The following PPP4R4 variants were observed in gnomAD, a reference collection of about 807,000 sequenced individuals.
PPP4R4 encodes serine/threonine-protein phosphatase 4 regulatory subunit 4.
Under a neutral mutation model 121.8 loss-of-function variants are expected in PPP4R4, and 70 were observed. That is an observed-to-expected ratio of 0.57 (90% CI 0.47 to 0.70). PPP4R4 has a LOEUF of 0.70. Ranked by LOEUF, PPP4R4 falls within the 30% of genes least tolerant of loss-of-function variation. The probability of loss-of-function intolerance (pLI) is 0.00; values close to 1 mark genes in which losing one functional copy is unlikely to be tolerated. For synonymous variants in PPP4R4, 348 were observed against 355.7 expected, an observed-to-expected ratio of 0.98 and a Z score of 0.24; for missense variants, 875 against 1,033.6, an observed-to-expected ratio of 0.85 and a Z score of 2.10.
At chr14:94,193,924 A>G (rs1356187263) in intron 2 of PPP4R4, among the ~76,000 whole-genome samples, 1 of 152,210 alleles carries the variant, frequency 6.6e-6, no homozygotes, top group Non-Finnish European at 1.5e-5. Context: ...ACATTTGGGT[A>G]AAACATCCTT....
At position 94,244,543 on chromosome 14, in the gene PPP4R4, T is replaced by A. The variant is rs10131439; in HGVS notation, c.1267-92T>A. ...TAACATGGCTTTATTTTAGAAGAAATATATAACAAGGATGTATTTTTAAAA... is the reference window on the plus strand; with the variant it reads ...TAACATGGCTTTATTTTAGAAGAAAAATATAACAAGGATGTATTTTTAAAA... On this transcript the variant is annotated intron_variant, in intron 11 of 24. Coordinates refer to ENST00000304338, the MANE Select transcript of PPP4R4 (RefSeq NM_058237.2). 3,093 of 1,029,320 alleles carry A rather than the reference T, an allele frequency of 3.0e-3. 76 individuals carry two copies. In the African/African-American group the frequency reaches 0.047, roughly 16 times the overall value. The allele number at this position is 1,029,320 out of a possible 1,614,324, so 63.8% of individuals were successfully genotyped here.
intron 2 of PPP4R4, among the ~76,000 whole-genome samples, chr14:94,177,189 A>T (rs1370751629): frequency 6.6e-6 from 1 of 152,188 alleles, no homozygotes. Context: ...CATATTTACC[A>T]TGTAGACCAT....
intron 19 of PPP4R4, among the ~76,000 whole-genome samples, chr14:94,259,971 T>A (rs571598727): frequency 2.6e-5 from 4 of 152,346 alleles, no homozygotes; most frequent in Admixed American, 2.0e-4. Flanking sequence ...TTATGGACAT[T>A]TGGCTTACTT....
intron 3 of PPP4R4, among the ~76,000 whole-genome samples, chr14:94,221,795 T>C (rs974166473): frequency 2.0e-5 from 3 of 152,036 alleles, no homozygotes; most frequent in African/African-American, 7.2e-5. Flanking sequence ...AGAAAACAGG[T>C]TCTCAAAAAT....
chr14:94,208,599 C>A, intron 3 of PPP4R4, 33 bp downstream of exon 3: 1 of 1,522,000 alleles, frequency 6.6e-7, no homozygotes, highest in Non-Finnish European at 9.1e-7. Context: ...TGGAGTTTCC[C>A]ATTTTTTCCC....
chr14:94,275,818 C>CT (rs1015639567), intron 24 of PPP4R4, among the ~76,000 whole-genome samples: 29 of 152,214 alleles, frequency 1.9e-4, no homozygotes, highest in African/African-American at 6.0e-4. Flanking sequence ...GAATTTATCT[C>CT]TAAGAAGGCA....
At chr14:94,199,996 A>T (rs1267702071) in intron 2 of PPP4R4, among the ~76,000 whole-genome samples, 1 of 152,050 alleles carries the variant, frequency 6.6e-6, no homozygotes, top group Non-Finnish European at 1.5e-5. Flanking sequence ...TCCTGTCCTC[A>T]CCTAGGTCCG....
chr14:94,207,307 A>T (rs1395094698), intron 2 of PPP4R4, among the ~76,000 whole-genome samples: 2 of 151,822 alleles, frequency 1.3e-5, no homozygotes, highest in East Asian at 3.9e-4. Flanking sequence ...ATTCCTTCTG[A>T]ATTTTGTCTA....
chr14:94,220,168 C>T (rs917020968), intron 3 of PPP4R4, among the ~76,000 whole-genome samples: 2 of 152,150 alleles, frequency 1.3e-5, no homozygotes, highest in African/African-American at 4.8e-5. Context: ...TTGCAGTGAG[C>T]CGAGATTGTG....
intron 21 of PPP4R4, 95 bp downstream of exon 21, chr14:94,265,568 A>C: frequency 6.4e-6 from 7 of 1,093,012 alleles, no homozygotes; most frequent in African/African-American, 1.6e-5. Flanking sequence ...ATACAGTAGG[A>C]TAATATATCT....
intron 22 of PPP4R4, 96 bp from the exon 23 acceptor site, chr14:94,266,863 G>A (rs1894078282): frequency 2.6e-6 from 2 of 779,068 alleles, no homozygotes; most frequent in Middle Eastern, 2.8e-4. Context: ...GTAGAGGAAA[G>A]CATTAAAAAG....
intron 12 of PPP4R4, among the ~76,000 whole-genome samples, chr14:94,245,073 A>C (rs2139580283): frequency 6.6e-6 from 1 of 152,074 alleles, no homozygotes; most frequent in Middle Eastern, 3.4e-3. Context: ...TATTTTACTC[A>C]ATTGTAATCA....
At chr14:94,239,243 C>T (rs571936094) in intron 8 of PPP4R4, among the ~76,000 whole-genome samples, 44 of 150,716 alleles carry the variant, frequency 2.9e-4, no homozygotes, top group African/African-American at 6.4e-4. Flanking sequence ...TACATGGGCA[C>T]GACGTGCAGG....
At chr14:94,271,610 A>T (rs531393364) in intron 23 of PPP4R4, among the ~76,000 whole-genome samples, 19 of 152,344 alleles carry the variant, frequency 1.2e-4, no homozygotes, top group African/African-American at 4.3e-4. Flanking sequence ...ACAATGATGT[A>T]TTCCTCTCAC....
intron 14 of PPP4R4, among the ~76,000 whole-genome samples, chr14:94,247,815 A>C (rs1595522291): frequency 1.3e-5 from 2 of 152,244 alleles, no homozygotes; most frequent in Admixed American, 1.3e-4. Flanking sequence ...CAAAAATTAC[A>C]TGATCATCTC....
At chr14:94,235,187 C>G (rs1031520400) in intron 7 of PPP4R4, among the ~76,000 whole-genome samples, 2 of 151,966 alleles carry the variant, frequency 1.3e-5, no homozygotes, top group African/African-American at 2.4e-5. Context: ...CTGTATTGTT[C>G]AGGAAATATT....
chr14:94,188,883 AG>A (rs1419351882), intron 2 of PPP4R4, among the ~76,000 whole-genome samples: 15 of 152,274 alleles, frequency 9.9e-5, no homozygotes, highest in African/African-American at 3.4e-4. Context: ...ACAATTAAAA[AG>A]GGTTAAAAAA....
At chr14:94,198,872 A>G (rs1348855777) in intron 2 of PPP4R4, among the ~76,000 whole-genome samples, 1 of 152,192 alleles carries the variant, frequency 6.6e-6, no homozygotes, top group African/African-American at 2.4e-5. Flanking sequence ...GTTCTTTTCC[A>G]TTGATCATAT....
chr14:94,235,316 T>G (rs7142939), intron 7 of PPP4R4, among the ~76,000 whole-genome samples: 31,387 of 150,884 alleles, frequency 0.21, 3,798 homozygotes, highest in East Asian at 0.59. Flanking sequence ...CCGACTACAC[T>G]CTAATGGAAG....
Sources: gnomAD v4.1 joint callset for allele counts (sites outside exome capture counted in the v4.1 genomes callset) on GRCh38, gnomAD v4.1.1 for gene constraint, MANE v1.5 for transcripts, NCBI Gene and HGNC (gene_info 2026-07-23, HGNC 2026-07-21) for gene names.